Variants in SCARB2 observed in about 807,000 individuals in gnomAD.
SCARB2 encodes scavenger receptor class B member 2.
Under a neutral mutation model 58.6 loss-of-function variants are expected in SCARB2, and 29 were observed. The ratio of observed to expected loss-of-function variants is 0.49; its 90% confidence interval spans 0.37 to 0.67. The LOEUF is 0.67. Among genes scored for constraint, SCARB2 ranks in the 30% least tolerant of loss-of-function variants. SCARB2 has a pLI of 0.00. For synonymous variants in SCARB2, 195 were observed against 210.1 expected, an observed-to-expected ratio of 0.93 and a Z score of 0.62; for missense variants, 488 against 578.5, an observed-to-expected ratio of 0.84 and a Z score of 1.60.
At chr4:76,201,058 G>A (rs980269390) in intron 1 of SCARB2, among the ~76,000 whole-genome samples, 11 of 152,154 alleles carry the variant, frequency 7.2e-5, no homozygotes, top group African/African-American at 1.4e-4. Context: ...ATGCAACTGC[G>A]TCACCTGTCG....
chr4:76,196,091 G>A (rs1732706594), intron 1 of SCARB2, among the ~76,000 whole-genome samples: 2 of 152,208 alleles, frequency 1.3e-5, no homozygotes, highest in South Asian at 4.1e-4. Flanking sequence ...TTGTAAAGGG[G>A]CCGGGCCCAG....
At chr4:76,188,993 T>C (rs1182898711) in intron 2 of SCARB2, among the ~76,000 whole-genome samples, 3 of 152,214 alleles carry the variant, frequency 2.0e-5, no homozygotes. Context: ...GGCTATTAGG[T>C]GGGTGCAAAG....
chr4:76,202,777 C>A (rs1184811286), intron 1 of SCARB2, among the ~76,000 whole-genome samples: 1 of 152,038 alleles, frequency 6.6e-6, no homozygotes, highest in Non-Finnish European at 1.5e-5. Context: ...TGTATTGTAT[C>A]ATTTTTTGAC....
At chr4:76,209,956 T>G (rs1733006358) in intron 1 of SCARB2, among the ~76,000 whole-genome samples, 1 of 152,228 alleles carries the variant, frequency 6.6e-6, no homozygotes, top group South Asian at 2.1e-4. Flanking sequence ...ACAGTCAACC[T>G]GCCAGCACGT....
intron 1 of SCARB2, among the ~76,000 whole-genome samples, chr4:76,234,105 A>C (rs919662764): frequency 6.6e-6 from 1 of 151,798 alleles, no homozygotes; most frequent in Non-Finnish European, 1.5e-5. Flanking sequence ...ACCTTGGGCC[A>C]TGTGTCTCAG....
rs1010870755 is a variant in SCARB2 at position 76,212,023 on chromosome 4, C to T, written c.117+1404G>A. Among the ~76,000 whole-genome samples, 10 of 152,158 alleles carry T rather than the reference C, an allele frequency of 6.6e-5. No homozygotes were observed. The East Asian group carries it at 1.9e-3, about 29-fold the overall frequency. ...TGGAGACACACAGAGAATCTAAGGG[C>T]TGGCTATATGGGAACCACGGGGAAG... On this transcript the variant is annotated intron_variant, in intron 1 of 11. Transcript: ENST00000264896.
At chr4:76,223,357 T>C (rs1733341882) in intron 1 of SCARB2, among the ~76,000 whole-genome samples, 2 of 152,174 alleles carry the variant, frequency 1.3e-5, no homozygotes, top group South Asian at 2.1e-4. Context: ...TGGGGAGTGG[T>C]ACAGTAGCCC....
chr4:76,179,538 G>C lies in SCARB2; in HGVS notation c.591C>G (p.Pro197=). 6.2e-7 allele frequency: 1 copy of C among 1,614,070 alleles called. No individual in the cohort carries two copies. Among genetic ancestry groups the C allele is most frequent in the Non-Finnish European group, 8.5e-7 (1 of 1,179,908 alleles). The part of the protein sequence containing the change: ...LIHVFRPDIS[P]YFGLFYEKNG... Reference sequence around the variant, plus strand: ...TTACCTCATAGAATAGGCCAAAATAGGGAGAGATATCGGGCCTGAAAACAT... The same window carrying C: ...TTACCTCATAGAATAGGCCAAAATACGGAGAGATATCGGGCCTGAAAACAT... Residue 197 remains proline, a synonymous_variant, in exon 4 of 12, where the codon CCC becomes CCG. Transcript: ENST00000264896.
At chr4:76,168,655 T>C (rs140537341) in intron 8 of SCARB2, among the ~76,000 whole-genome samples, 179 bp from the exon 9 acceptor site, 2 of 152,290 alleles carry the variant, frequency 1.3e-5, no homozygotes, top group Non-Finnish European at 2.9e-5. Flanking sequence ...ATGGGTTGTA[T>C]TAGGTGGCTG....
chr4:76,170,519 T>TA (rs201349280), intron 7 of SCARB2, among the ~76,000 whole-genome samples: 15 of 151,916 alleles, frequency 9.9e-5, no homozygotes, highest in Admixed American at 7.9e-4. Flanking sequence ...TTTTTAAAAT[T>TA]AAAAAAAAAT....
chr4:76,197,584 AGTAGAGGC>A (rs1373377964), intron 1 of SCARB2, among the ~76,000 whole-genome samples: 1 of 152,236 alleles, frequency 6.6e-6, no homozygotes, highest in Non-Finnish European at 1.5e-5. Context: ...TCACCGTGGC[AGTAGAGGC>A]CTGATAAATA....
chr4:76,161,640 G>A lies in SCARB2; in HGVS notation c.*73C>T. ...CAACAGGCAACAAGCCTGCAAGGAG[G>A]TGGAGGGTTTCCCCACGTCATCGTC... is the stretch of plus-strand genomic sequence containing the variant. On this transcript the variant is annotated 3_prime_UTR_variant, in exon 12 of 12. Transcript: ENST00000264896. The A allele has an allele frequency of 6.7e-7, 1 of 1,499,032 alleles. No homozygotes were observed. The highest frequency in any genetic ancestry group is 1.7e-5 in the Admixed American group (1 of 59,896). The allele number at this position is 1,499,032 out of a possible 1,614,324, so 92.9% of individuals were successfully genotyped here. A position where few individuals can be genotyped will look rare whatever the true frequency, so the allele number is the denominator to read the frequency against.
At chr4:76,191,940 T>C (rs1377866457) in intron 2 of SCARB2, 2 of 152,242 alleles carry the variant, frequency 1.3e-5, no homozygotes, top group African/African-American at 4.8e-5. Flanking sequence ...CAGGCTAATC[T>C]TTGTATGTTT....
chr4:76,163,215 C>T lies in SCARB2; in HGVS notation c.1398+10G>A. ...CCAGTAAGGAAGAAGTTCCTTCAGCCAGTTCTCACCTCATCCATGGATCCC... is the reference window on the plus strand; with the variant it reads ...CCAGTAAGGAAGAAGTTCCTTCAGCTAGTTCTCACCTCATCCATGGATCCC... On this transcript the variant is annotated intron_variant, in intron 11 of 11. Coordinates refer to ENST00000264896, the MANE Select transcript of SCARB2 (RefSeq NM_005506.4). The T allele has an allele frequency of 1.9e-6, 3 of 1,614,168 alleles. No homozygotes were observed. The South Asian group carries it at 3.3e-5, about 18-fold the overall frequency.
chr4:76,176,521 C>T lies in SCARB2; in HGVS notation c.620G>A (p.Gly207Glu), dbSNP rs1297559381. The change falls in exon 5 of 12, where the codon GGG becomes GAG. Residue 207 changes from glycine (G) to glutamate (E), a missense_variant. Transcript: ENST00000264896. ...AAAAACATAGTCTCCATCATTAGTCCCATTTTTCTGAAAATATGTGAATAT... is the reference window on the plus strand; with the variant it reads ...AAAAACATAGTCTCCATCATTAGTCTCATTTTTCTGAAAATATGTGAATAT... ...PYFGLFYEKNGTNDGDYVFLT... is the reference protein window; with the variant it reads ...PYFGLFYEKNETNDGDYVFLT... 6.2e-7 allele frequency: 1 copy of T among 1,604,080 alleles called. No homozygotes were observed.
At chr4:76,231,801 G>A (rs953993438) in intron 1 of SCARB2, among the ~76,000 whole-genome samples, 3 of 152,162 alleles carry the variant, frequency 2.0e-5, no homozygotes, top group African/African-American at 4.8e-5. Context: ...TCCTGGACCT[G>A]TTAAAAGTGG....
chr4:76,196,511 T>C (rs1732715922), intron 1 of SCARB2, among the ~76,000 whole-genome samples: 1 of 152,120 alleles, frequency 6.6e-6, no homozygotes, highest in African/African-American at 2.4e-5. Context: ...ATTCCATGGA[T>C]GGTGTATCTT....
intron 1 of SCARB2, among the ~76,000 whole-genome samples, chr4:76,201,207 C>T (rs537320746): frequency 2.0e-5 from 3 of 152,230 alleles, no homozygotes; most frequent in Non-Finnish European, 2.9e-5. Context: ...TCTGCAGGGC[C>T]CTTATCACCT....
At chr4:76,167,487 A>T (rs1247983083) in intron 9 of SCARB2, among the ~76,000 whole-genome samples, 2 of 151,886 alleles carry the variant, frequency 1.3e-5, no homozygotes, top group African/African-American at 4.8e-5. Flanking sequence ...GCTCCTGCTC[A>T]CCCCATGTGA....
Sources: gnomAD v4.1 joint callset for allele counts (sites outside exome capture counted in the v4.1 genomes callset) on GRCh38, gnomAD v4.1.1 for gene constraint, MANE v1.5 for transcripts, NCBI Gene and HGNC (gene_info 2026-07-23, HGNC 2026-07-21) for gene names.